Variants in C16orf89 observed in about 807,000 individuals in gnomAD.
C16orf89 encodes the protein chromosome 16 open reading frame 89.
Under a neutral mutation model 41.5 loss-of-function variants are expected in C16orf89, and 57 were observed. The observed-to-expected ratio is 1.38, with a 90% CI of 1.11 to 1.71. C16orf89 has a LOEUF of 1.71. Among genes scored for constraint, C16orf89 ranks in the 40% most tolerant of loss-of-function variants. The pLI, the probability that C16orf89 is intolerant of heterozygous loss-of-function variation, is 0.00. For missense variants in C16orf89, 575 were observed against 445.9 expected, an observed-to-expected ratio of 1.29 and a Z score of -2.61; for synonymous variants, 223 against 190.6, an observed-to-expected ratio of 1.17 and a Z score of -1.40.
rs1271779079 is a variant in C16orf89 at position 5,062,417 on chromosome 16, G to A, written c.358+8C>T. 6.2e-7 allele frequency: 1 copy of A among 1,608,480 alleles called. No homozygotes were observed. Among genetic ancestry groups the A allele is most frequent in the Non-Finnish European group, 8.5e-7 (1 of 1,177,644 alleles). ...CCTGAGGGAATGGGACACCCTGCGT[G>A]TGCTCACCTCTTAGGTACTTGGGAT... On this transcript the variant is annotated splice_region_variant and intron_variant, in intron 2 of 7. Transcript: ENST00000472572.
At chr16:5,056,638 C>T (rs1184868283) in intron 4 of C16orf89, among the ~76,000 whole-genome samples, 4 of 152,048 alleles carry the variant, frequency 2.6e-5, no homozygotes, top group East Asian at 1.9e-4. Context: ...AAAGTGTGGG[C>T]CAAGAACCGG....
chr16:5,055,801 A>G (rs1328818205), intron 5 of C16orf89: 3 of 1,447,140 alleles, frequency 2.1e-6, no homozygotes, highest in Admixed American at 2.0e-5. Context: ...TCGATAAACA[A>G]TGAATATAAT....
At chr16:5,058,353 G>C in intron 4 of C16orf89, 140 bp downstream of exon 4, 1 of 647,952 alleles carries the variant, frequency 1.5e-6, no homozygotes, top group Non-Finnish European at 2.6e-6. Context: ...AGCTGGTTTT[G>C]AACTCCTGGC....
At chr16:5,064,396 A>G (rs1956693107) in intron 1 of C16orf89, among the ~76,000 whole-genome samples, 1 of 152,194 alleles carries the variant, frequency 6.6e-6, no homozygotes, top group Admixed American at 6.5e-5. Flanking sequence ...GGAAACAGTA[A>G]TGGCTGACAA....
At chr16:5,052,669 A>T (rs1956419758) in intron 6 of C16orf89, among the ~76,000 whole-genome samples, 1 of 152,202 alleles carries the variant, frequency 6.6e-6, no homozygotes, top group Non-Finnish European at 1.5e-5. Flanking sequence ...ACTCTTACAC[A>T]CAGTTGATGG....
intron 6 of C16orf89, among the ~76,000 whole-genome samples, chr16:5,049,803 C>A (rs1469107814): frequency 1.3e-5 from 2 of 151,926 alleles, no homozygotes; most frequent in Non-Finnish European, 2.9e-5. Context: ...ACTAGAAAAG[C>A]AAGACCAAAT....
chr16:5,062,163 G>T (rs976923537), intron 2 of C16orf89, among the ~76,000 whole-genome samples: 2 of 152,196 alleles, frequency 1.3e-5, no homozygotes, highest in African/African-American at 4.8e-5. Context: ...CCTCCAGCTT[G>T]TGCGTGCGCT....
At chr16:5,055,101 A>T in intron 6 of C16orf89, 145 bp downstream of exon 6, 2 of 717,070 alleles carry the variant, frequency 2.8e-6, no homozygotes, top group Non-Finnish European at 4.7e-6. Flanking sequence ...CCTTGTGTGT[A>T]CACGTCTGTG....
In C16orf89 at chr16:5,065,755, G is replaced by A. The variant is rs1956728276; in HGVS notation, c.154C>T (p.Gln52Ter). 3 of 1,614,084 alleles carry A rather than the reference G, an allele frequency of 1.9e-6. No individual in the cohort carries two copies. Among genetic ancestry groups the A allele is most frequent in the Non-Finnish European group, 2.5e-6 (3 of 1,180,012 alleles). ...ALERATVFLE[Q>*]RLPEINLDGM... ...TCCAGGTTGATTTCAGGCAGCCTCTGTTCTAGGAAGACGGTGGCTCTCTCC... is the reference window on the plus strand; with the variant it reads ...TCCAGGTTGATTTCAGGCAGCCTCTATTCTAGGAAGACGGTGGCTCTCTCC... Residue 52 changes from glutamine to a stop codon, truncating the protein, a stop_gained, in exon 1 of 8, where the codon CAG becomes TAG. Coordinates refer to ENST00000472572, the MANE Select transcript of C16orf89 (RefSeq NM_001098514.3). LOFTEE classifies it high-confidence loss of function.
chr16:5,045,134 C>G (rs1448894511), intron 7 of C16orf89, among the ~76,000 whole-genome samples: 2 of 152,252 alleles, frequency 1.3e-5, no homozygotes, highest in African/African-American at 4.8e-5. Flanking sequence ...CTGTCCAGCT[C>G]CTGCCTGGCT....
chr16:5,052,862 G>T (rs920416912), intron 6 of C16orf89, among the ~76,000 whole-genome samples: 1 of 152,212 alleles, frequency 6.6e-6, no homozygotes, highest in East Asian at 1.9e-4. Context: ...CAGTAGCCAA[G>T]ATACAGCAAC....
At chr16:5,051,625 A>G (rs1463973285) in intron 6 of C16orf89, among the ~76,000 whole-genome samples, 2 of 152,176 alleles carry the variant, frequency 1.3e-5, no homozygotes, top group Non-Finnish European at 2.9e-5. Context: ...TATCCATGCT[A>G]CCGAAGTGAT....
chr16:5,060,205 T>G, intron 3 of C16orf89, 81 bp downstream of exon 3: 1 of 1,469,072 alleles, frequency 6.8e-7, no homozygotes, highest in Non-Finnish European at 9.2e-7. Flanking sequence ...CCCTAGGGCT[T>G]GGAGAAGGAG....
At position 5,052,126 on chromosome 16, in the gene C16orf89, AAAAAG is replaced by A. The variant is rs1470802802; in HGVS notation, c.868+3115_868+3119del. 3.3e-5 allele frequency among the ~76,000 whole-genome samples: 5 copies of A among 150,988 alleles called. No individual in the cohort carries two copies. The East Asian group carries it at 7.7e-4, about 23-fold the overall frequency. On this transcript the variant is annotated intron_variant, in intron 6 of 7. Transcript: ENST00000472572. The stretch of plus-strand genomic sequence containing the variant: ...AAAAAAAAAAAAAAAAAAAAGAAGG[AAAAAG>A]AAAAGAAAAAAGGCAAATGAGCTGC...
chr16:5,047,531 G>T (rs1332166172), intron 7 of C16orf89, among the ~76,000 whole-genome samples: 3 of 150,508 alleles, frequency 2.0e-5, no homozygotes, highest in Non-Finnish European at 4.4e-5. Flanking sequence ...GCAGTGGTGC[G>T]ATCTCAGCTC....
intron 3 of C16orf89, among the ~76,000 whole-genome samples, chr16:5,059,755 T>A (rs1329623656): frequency 6.6e-6 from 1 of 152,148 alleles, no homozygotes; most frequent in Non-Finnish European, 1.5e-5. Flanking sequence ...AGGCTCATAA[T>A]ACAAATGTAA....
At chr16:5,050,178 G>A (rs903783709) in intron 6 of C16orf89, among the ~76,000 whole-genome samples, 3 of 152,104 alleles carry the variant, frequency 2.0e-5, no homozygotes, top group African/African-American at 7.2e-5. Context: ...GACCAGCCTG[G>A]TCAATATGAT....
intron 6 of C16orf89, 31 bp from the exon 7 acceptor site, chr16:5,047,995 A>G (rs1180373362): frequency 3.5e-6 from 4 of 1,158,422 alleles, no homozygotes; most frequent in Non-Finnish European, 3.8e-6. Context: ...GAACTTCTCA[A>G]GAGAGATTTT....
intron 6 of C16orf89, among the ~76,000 whole-genome samples, chr16:5,049,193 A>C (rs1030870754): frequency 6.6e-6 from 1 of 152,250 alleles, no homozygotes; most frequent in African/African-American, 2.4e-5. Context: ...TAAACACTGG[A>C]GAACCCTAAA....
Sources: gnomAD v4.1 joint callset for allele counts (sites outside exome capture counted in the v4.1 genomes callset) on GRCh38, gnomAD v4.1.1 for gene constraint, MANE v1.5 for transcripts, NCBI Gene and HGNC (gene_info 2026-07-23, HGNC 2026-07-21) for gene names.